The following AP1B1 variants were observed in gnomAD, a reference collection of about 807,000 sequenced individuals.
The protein encoded by AP1B1 is adaptor related protein complex 1 subunit beta 1, also known as AP-1 complex subunit beta-1.
In AP1B1, 36 loss-of-function variants were observed where a neutral mutation model predicts 104.3. The observed-to-expected ratio is 0.35, with a 90% confidence interval of 0.26 to 0.46. The LOEUF (loss-of-function observed/expected upper bound fraction) is 0.46. AP1B1 is among the 20% of genes least tolerant of loss of function. AP1B1 has a pLI of 1.00. For missense variants in AP1B1, 901 were observed against 1,247.9 expected, an observed-to-expected ratio of 0.72 and a Z score of 4.19; for synonymous variants, 504 against 517.5, an observed-to-expected ratio of 0.97 and a Z score of 0.35.
chr22:29,332,023 C>A (rs753471058), intron 17 of AP1B1, 107 bp from the exon 18 acceptor site: 14 of 1,188,428 alleles, frequency 1.2e-5, no homozygotes, highest in Non-Finnish European at 1.6e-5. Context: ...CAGGGAGCCT[C>A]TCACCGTGCC....
Position 29,351,178 on chromosome 22 carries a change from T to C in AP1B1, c.1148A>G (p.Lys383Arg). ...AVRAIGRCAI[K>R]VEQSAERCVS... ...AGAGTCCCAGAGCCTCACCTCCACC[T>C]TGATGGCGCAGCGGCCAATAGCACG... The change falls in exon 9 of 23, where the codon AAG becomes AGG. Residue 383 changes from lysine (K) to arginine (R), a missense_variant. By Grantham distance (26) the Lys-to-Arg change is conservative. Around this residue, in one of 3 missense-constraint regions of AP1B1, gnomAD observed 471 missense variants for 696.7 expected, o/e 0.68. Transcript: ENST00000357586. 2 of 1,611,316 alleles carry C rather than the reference T, an allele frequency of 1.2e-6. No homozygotes were observed. The highest frequency in any genetic ancestry group is 1.7e-6 in the Non-Finnish European group (2 of 1,177,756).
At position 29,350,260 on chromosome 22, in the gene AP1B1, C is replaced by T. The variant is rs1455672091; in HGVS notation, c.1156-110G>A. The T allele has an allele frequency of 4.0e-5, 31 of 767,042 alleles. No homozygotes were observed. In the East Asian group the frequency reaches 7.8e-4, roughly 19 times the overall value. The allele number at this position is 767,042 out of a possible 1,614,324, so 47.5% of individuals were successfully genotyped here. On this transcript the variant is annotated intron_variant, in intron 9 of 22. Coordinates refer to ENST00000357586, the MANE Select transcript of AP1B1 (RefSeq NM_001127.4). ...TGCAAATCACTTCTGGCACACCTTC[C>T]TCATCACAGTGGGAAAACAGGAGAA...
chr22:29,366,691 C>T (rs2062142873), intron 2 of AP1B1, among the ~76,000 whole-genome samples: 1 of 151,720 alleles, frequency 6.6e-6, no homozygotes, highest in Admixed American at 6.6e-5. Flanking sequence ...CCCAGCAATT[C>T]CGGAGGCTGA....
intron 9 of AP1B1, among the ~76,000 whole-genome samples, chr22:29,350,658 A>T (rs1284593563): frequency 6.6e-6 from 1 of 152,140 alleles, no homozygotes; most frequent in Non-Finnish European, 1.5e-5. Context: ...CTATCCTAGG[A>T]CACTGTAGCC....
chr22:29,336,685 C>T, intron 16 of AP1B1, among the ~76,000 whole-genome samples: 1 of 152,016 alleles, frequency 6.6e-6, no homozygotes. Context: ...TGCCTGTAAT[C>T]CCAGCTACTT....
chr22:29,330,010 A>C (rs1450995702), intron 21 of AP1B1: 1 of 1,409,070 alleles, frequency 7.1e-7, no homozygotes, highest in African/African-American at 1.4e-5. Flanking sequence ...TGGGAGGTTC[A>C]GGCTCCTGGG....
chr22:29,329,676 G>C (rs762814781), intron 22 of AP1B1, 36 bp downstream of exon 22: 2 of 1,613,086 alleles, frequency 1.2e-6, no homozygotes, highest in East Asian at 4.5e-5. Flanking sequence ...CAAGACTGGG[G>C]AGGGCGGACG....
chr22:29,355,761 T>G (rs1389885101), intron 6 of AP1B1, among the ~76,000 whole-genome samples: 1 of 150,680 alleles, frequency 6.6e-6, no homozygotes, highest in Non-Finnish European at 1.5e-5. Flanking sequence ...CTGCTCATGT[T>G]GGCATGCAGA....
At chr22:29,373,409 A>C (rs2062274523) in intron 1 of AP1B1, among the ~76,000 whole-genome samples, 1 of 152,234 alleles carries the variant, frequency 6.6e-6, no homozygotes, top group African/African-American at 2.4e-5. Flanking sequence ...TAAATATCAC[A>C]AGATTTCATG....
At chr22:29,363,537 A>G (rs112776192) in intron 2 of AP1B1, among the ~76,000 whole-genome samples, 17,358 of 151,910 alleles carry the variant, frequency 0.11, 1,039 homozygotes, top group Middle Eastern at 0.19. Flanking sequence ...AATCCCAGCT[A>G]CTCGGGAGGC....
In AP1B1 at chr22:29,351,713, T is replaced by C. The variant is rs541356127; in HGVS notation, c.1051A>G (p.Ile351Val). The change falls in exon 8 of 23, where the codon ATC (isoleucine) becomes GTC (valine). Residue 351 changes from isoleucine (I) to valine (V), a missense_variant. Coordinates refer to ENST00000357586, the MANE Select transcript of AP1B1 (RefSeq NM_001127.4). ...IMIRLASQANIAQVLAELKEY... is the reference protein window; with the variant it reads ...IMIRLASQANVAQVLAELKEY... ...CATCACACGCAGCTGACCTGGGCGA[T>C]GTTGGCCTGAGAGGCCAGGCGGATC... 4 of 1,613,864 alleles carry C rather than the reference T, an allele frequency of 2.5e-6. No individual in the cohort carries two copies. Among genetic ancestry groups the C allele is most frequent in the Non-Finnish European group, 3.4e-6 (4 of 1,180,018 alleles).
chr22:29,367,853 C>G (rs924644828), intron 1 of AP1B1, among the ~76,000 whole-genome samples: 1 of 152,204 alleles, frequency 6.6e-6, no homozygotes, highest in Non-Finnish European at 1.5e-5. Context: ...CACAACTTTT[C>G]TAAGCTGCTA....
chr22:29,385,881 T>C (rs1569169451), intron 1 of AP1B1, among the ~76,000 whole-genome samples: 1 of 152,174 alleles, frequency 6.6e-6, no homozygotes, highest in Non-Finnish European at 1.5e-5. Flanking sequence ...AGTTAAGACA[T>C]GCAAGAGTTT....
intron 7 of AP1B1, among the ~76,000 whole-genome samples, chr22:29,354,014 G>A (rs544195275): frequency 5.3e-4 from 80 of 152,172 alleles, no homozygotes; most frequent in African/African-American, 8.7e-4. Flanking sequence ...TTCTGCTCTC[G>A]CCTACCCCCC....
intron 1 of AP1B1, among the ~76,000 whole-genome samples, chr22:29,380,361 G>A (rs760326902): frequency 1.3e-5 from 2 of 151,584 alleles, no homozygotes; most frequent in African/African-American, 4.9e-5. Flanking sequence ...TGGATCATCC[G>A]GTATCACAGC....
At chr22:29,381,440 G>A (rs1283210831) in intron 1 of AP1B1, among the ~76,000 whole-genome samples, 1 of 152,134 alleles carries the variant, frequency 6.6e-6, no homozygotes, top group Non-Finnish European at 1.5e-5. Context: ...TGTTCAATAA[G>A]TAGCTGAATG....
chr22:29,331,077 G>A (rs1251038902), intron 19 of AP1B1, among the ~76,000 whole-genome samples: 3 of 152,236 alleles, frequency 2.0e-5, no homozygotes, highest in Non-Finnish European at 4.4e-5. Context: ...GCAGGGTGCA[G>A]GCCGTCTGTG....
In AP1B1 at chr22:29,328,650, G is replaced by A; in HGVS notation, c.*171C>T. The A allele has an allele frequency of 1.3e-6, 1 of 759,728 alleles. No individual in the cohort carries two copies. The highest frequency in any genetic ancestry group is 1.8e-5 in the African/African-American group (1 of 56,800). The allele number at this position is 759,728 out of a possible 1,614,324, so 47.1% of individuals were successfully genotyped here. On this transcript the variant is annotated 3_prime_UTR_variant, in exon 23 of 23. Transcript: ENST00000357586. The surrounding 1 kb of genome is among the most constrained non-coding windows in gnomAD (Gnocchi z 4.1). ...GTGCACTGCGCTCTCACCCCAGGAG[G>A]GGGTGGTGCCCTACCCCAGGGATCG...
Position 29,334,724 on chromosome 22 carries a change from G to T in AP1B1, c.2164-314C>A, listed in dbSNP as rs534252954. Among the ~76,000 whole-genome samples, 39 of 152,034 alleles carry T rather than the reference G, an allele frequency of 2.6e-4. No homozygotes were observed. In the South Asian group the frequency reaches 8.1e-3, roughly 32 times the overall value. On this transcript the variant is annotated intron_variant, in intron 16 of 22. Coordinates refer to ENST00000357586, the MANE Select transcript of AP1B1 (RefSeq NM_001127.4). ...TCACTTGGGAAGTAGGGCTGAGGGA[G>T]GCCATGAGCTGGCAATGGAGGGATC...
Sources: gnomAD v4.1 joint callset for allele counts (sites outside exome capture counted in the v4.1 genomes callset) on GRCh38, gnomAD v4.1.1 for gene constraint, gnomAD v4.1.1 regional missense constraint, Gnocchi (gnomAD v3.1) non-coding constraint, MANE v1.5 for transcripts, NCBI Gene and HGNC (gene_info 2026-07-23, HGNC 2026-07-21) for gene names.